The following EYS variants were observed in gnomAD, a reference collection of about 807,000 sequenced individuals.
EYS encodes EGF-like photoreceptor maintenance factor, also known as protein eyes shut homolog.
Under a neutral mutation model 282.1 loss-of-function variants are expected in EYS, and 250 were observed. That is an observed-to-expected ratio of 0.89 (90% CI 0.80 to 0.98). The LOEUF (loss-of-function observed/expected upper bound fraction) is 0.98, where lower values mean the gene tolerates loss of function less well. Ranked by LOEUF, EYS falls within the 50% of genes least tolerant of loss-of-function variation. The pLI is 0.00. For synonymous variants in EYS, 1,355 were observed against 1,282.9 expected (o/e 1.06, Z -1.20); for missense variants, 4,016 against 3,709.0 (o/e 1.08, Z -2.15).
chr6:65,706,158 A>T (rs760277222), intron 1 of EYS, among the ~76,000 whole-genome samples: 3 of 151,614 alleles, frequency 2.0e-5, no homozygotes, highest in Non-Finnish European at 4.4e-5. Flanking sequence ...TGATTGATAG[A>T]CATATACTCA....
chr6:64,747,637 CA>C (rs1226790327), intron 22 of EYS, among the ~76,000 whole-genome samples: 2 of 152,132 alleles, frequency 1.3e-5, no homozygotes, highest in Non-Finnish European at 2.9e-5. Flanking sequence ...CTCAGGCTCC[CA>C]AAGTGCTGTG....
chr6:64,302,718 A>G (rs1392248062), intron 30 of EYS, among the ~76,000 whole-genome samples: 1 of 152,126 alleles, frequency 6.6e-6, no homozygotes, highest in African/African-American at 2.4e-5. Context: ...ACCCTGCAAC[A>G]CTAGTAGCAC....
At chr6:65,243,440 T>C (rs913357739) in intron 12 of EYS, among the ~76,000 whole-genome samples, 7 of 152,166 alleles carry the variant, frequency 4.6e-5, no homozygotes, top group Non-Finnish European at 1.0e-4. Context: ...TTCTTTGCTT[T>C]GGAGCTTCTG....
chr6:64,329,384 C>T (rs970490413), intron 29 of EYS, among the ~76,000 whole-genome samples: 3 of 152,108 alleles, frequency 2.0e-5, no homozygotes, highest in African/African-American at 7.2e-5. Context: ...TAGAAGGGGA[C>T]ATGACTCTAA....
At chr6:63,773,883 A>G (rs1396958979) in intron 40 of EYS, among the ~76,000 whole-genome samples, 1 of 152,136 alleles carries the variant, frequency 6.6e-6, no homozygotes, top group Non-Finnish European at 1.5e-5. Flanking sequence ...TGATAAGCAC[A>G]TTTTTGTGTT....
chr6:64,864,527 A>G (rs1766357503), intron 19 of EYS, among the ~76,000 whole-genome samples: 1 of 150,544 alleles, frequency 6.6e-6, no homozygotes, highest in Admixed American at 6.6e-5. Context: ...CTGGGATTAC[A>G]GGCACACGCC....
intron 36 of EYS, among the ~76,000 whole-genome samples, chr6:63,838,800 C>T (rs148929741): frequency 1.3e-5 from 2 of 152,200 alleles, no homozygotes; most frequent in Non-Finnish European, 2.9e-5. Context: ...TCTCAGTCTC[C>T]CTTTCTTCTC....
intron 2 of EYS, among the ~76,000 whole-genome samples, chr6:65,630,787 A>G (rs1766883701): frequency 6.6e-6 from 1 of 152,236 alleles, no homozygotes; most frequent in Non-Finnish European, 1.5e-5. Flanking sequence ...CTAAAATAGT[A>G]AAACAAGTCC....
intron 8 of EYS, among the ~76,000 whole-genome samples, chr6:65,371,104 C>T (rs922059704): frequency 2.6e-5 from 4 of 151,686 alleles, no homozygotes; most frequent in African/African-American, 9.7e-5. Flanking sequence ...ATGGATTCAA[C>T]CAACTGTGGC....
At chr6:64,007,830 T>C (rs1199521164) in intron 33 of EYS, among the ~76,000 whole-genome samples, 1 of 152,210 alleles carries the variant, frequency 6.6e-6, no homozygotes, top group Non-Finnish European at 1.5e-5. Flanking sequence ...TTTCTATTTT[T>C]ATTGCACTGT....
intron 29 of EYS, among the ~76,000 whole-genome samples, chr6:64,370,710 T>G (rs1005311694): frequency 1.3e-5 from 2 of 152,162 alleles, no homozygotes; most frequent in African/African-American, 4.8e-5. Flanking sequence ...TTGTTATTGG[T>G]CTGTTCAGGG....
intron 26 of EYS, among the ~76,000 whole-genome samples, chr6:64,510,552 T>C (rs971339028): frequency 6.6e-6 from 1 of 152,138 alleles, no homozygotes; most frequent in African/African-American, 2.4e-5. Context: ...CAACTATCTC[T>C]AAAAAATCAA....
chr6:65,085,628 C>G (rs772931950), intron 12 of EYS, among the ~76,000 whole-genome samples: 2 of 152,122 alleles, frequency 1.3e-5, no homozygotes, highest in Non-Finnish European at 2.9e-5. Context: ...ATAGCTTAAT[C>G]TCCCTCCCTT....
In EYS at chr6:65,689,533, T is replaced by A. The variant is rs574001153; in HGVS notation, c.-448+17602A>T. Reference sequence around the variant, plus strand: ...AAAACTTAAAGTATAATAAAAAAAATTATGTGTAAAAATTAAGATAAATTG... The same window carrying A: ...AAAACTTAAAGTATAATAAAAAAAAATATGTGTAAAAATTAAGATAAATTG... On this transcript the variant is annotated intron_variant, in intron 1 of 42. Coordinates refer to ENST00000503581, the MANE Select transcript of EYS (RefSeq NM_001142800.2). Among the ~76,000 whole-genome samples, 4 of 149,786 alleles carry A rather than the reference T, an allele frequency of 2.7e-5. 1 individual carries two copies. Among genetic ancestry groups the A allele is most frequent in the Middle Eastern group, 6.8e-3 (2 of 292 alleles).
chr6:64,720,968 C>T (rs1462806141), intron 22 of EYS, among the ~76,000 whole-genome samples: 1 of 151,766 alleles, frequency 6.6e-6, no homozygotes, highest in Admixed American at 6.6e-5. Context: ...AGATCTAAAA[C>T]CAGTTAGTGC....
chr6:63,932,102 G>T (rs1254061715), intron 35 of EYS, among the ~76,000 whole-genome samples: 1 of 152,142 alleles, frequency 6.6e-6, no homozygotes, highest in Non-Finnish European at 1.5e-5. Context: ...TCTATGTCTT[G>T]CTTATTTCAC....
At chr6:65,017,401 C>T (rs912049811) in intron 13 of EYS, among the ~76,000 whole-genome samples, 1 of 152,092 alleles carries the variant, frequency 6.6e-6, no homozygotes, top group Non-Finnish European at 1.5e-5. Flanking sequence ...AAAAAGCATA[C>T]CTTCAAGTAT....
At chr6:64,099,994 C>T (rs1312785280) in intron 31 of EYS, among the ~76,000 whole-genome samples, 2 of 151,990 alleles carry the variant, frequency 1.3e-5, no homozygotes, top group Non-Finnish European at 2.9e-5. Context: ...GGAAAATTTC[C>T]TTTTCAAGAT....
chr6:63,907,693 T>C (rs1441892585), intron 35 of EYS, among the ~76,000 whole-genome samples: 1 of 152,146 alleles, frequency 6.6e-6, no homozygotes, highest in Non-Finnish European at 1.5e-5. Flanking sequence ...TGGTGAAGTC[T>C]GGGCTTTTAG....
Sources: allele counts gnomAD v4.1 joint callset (sites outside exome capture counted in the v4.1 genomes callset), GRCh38; gene constraint gnomAD v4.1.1; transcripts MANE v1.5; gene names NCBI Gene and HGNC (gene_info 2026-07-23, HGNC 2026-07-21).